The following MYO10 variants were observed in gnomAD, a reference collection of about 807,000 sequenced individuals.
MYO10 encodes myosin X.
A neutral mutation model predicts 257.3 loss-of-function variants in MYO10; 133 were observed. That is an observed-to-expected ratio of 0.52 (90% CI 0.45 to 0.60). MYO10 has a LOEUF of 0.60. Ranked by LOEUF, MYO10 falls within the 20% of genes least tolerant of loss-of-function variation. The probability of loss-of-function intolerance (pLI) is 0.00; values close to 1 mark genes in which losing one functional copy is unlikely to be tolerated. For missense variants in MYO10, 2,399 were observed against 2,635.7 expected (o/e 0.91, Z 1.97); for synonymous variants, 1,104 against 1,028.6 (o/e 1.07, Z -1.40).
At chr5:16,842,578 TC>T (rs906570148) in intron 2 of MYO10, among the ~76,000 whole-genome samples, 1 of 152,046 alleles carries the variant, frequency 6.6e-6, no homozygotes, top group Non-Finnish European at 1.5e-5. Flanking sequence ...TAAGAATACT[TC>T]CCCCTTCCCT....
chr5:16,735,317 G>C (rs572215241), intron 19 of MYO10, among the ~76,000 whole-genome samples: 35 of 152,274 alleles, frequency 2.3e-4, no homozygotes, highest in Non-Finnish European at 1.5e-5. Context: ...AGAGTCATCA[G>C]GCTAATGGAG....
intron 4 of MYO10, among the ~76,000 whole-genome samples, chr5:16,784,646 A>T (rs1410418848): frequency 2.0e-5 from 3 of 152,208 alleles, no homozygotes; most frequent in African/African-American, 7.2e-5. Context: ...CAGCCATACA[A>T]ACGCCATCAC....
intron 19 of MYO10, among the ~76,000 whole-genome samples, chr5:16,747,516 G>A (rs957690689): frequency 6.6e-6 from 1 of 152,174 alleles, no homozygotes; most frequent in South Asian, 2.1e-4. Flanking sequence ...GCCCTGCAGA[G>A]CTGCACTTGG....
At chr5:16,713,757 T>C (rs1738728380) in intron 19 of MYO10, among the ~76,000 whole-genome samples, 1 of 152,212 alleles carries the variant, frequency 6.6e-6, no homozygotes, top group Non-Finnish European at 1.5e-5. Flanking sequence ...TTTCCTTTTC[T>C]GGTGAATTGA....
chr5:16,739,191 CAAAA>C (rs1218627544), intron 19 of MYO10, among the ~76,000 whole-genome samples: 7 of 96,534 alleles, frequency 7.3e-5, no homozygotes, highest in Admixed American at 1.1e-4. Context: ...AATCATGTCC[CAAAA>C]AAAAAAAAAA....
intron 2 of MYO10, among the ~76,000 whole-genome samples, chr5:16,838,148 A>G (rs1743368451): frequency 6.6e-6 from 1 of 152,208 alleles, no homozygotes; most frequent in Admixed American, 6.5e-5. Context: ...TTCAAGTAAA[A>G]AAGAGTCACG....
At chr5:16,672,535 G>C (rs1405093106) in intron 37 of MYO10, among the ~76,000 whole-genome samples, 154 bp downstream of exon 37, 1 of 152,162 alleles carries the variant, frequency 6.6e-6, no homozygotes, top group East Asian at 1.9e-4. Flanking sequence ...AAAAATAGCG[G>C]ATATGCAAAG....
intron 29 of MYO10, among the ~76,000 whole-genome samples, chr5:16,685,472 A>C (rs905069705): frequency 4.6e-5 from 7 of 152,174 alleles, no homozygotes; most frequent in African/African-American, 1.7e-4. Context: ...TCAGCCTCCC[A>C]AAGTGCTGGG....
chr5:16,841,094 G>A (rs1052164094), intron 2 of MYO10, among the ~76,000 whole-genome samples: 7 of 150,000 alleles, frequency 4.7e-5, no homozygotes, highest in Non-Finnish European at 7.4e-5. Flanking sequence ...GCAGTGAGCC[G>A]AGATCTCGCC....
At chr5:16,700,111 A>T (rs1041756273) in intron 25 of MYO10, among the ~76,000 whole-genome samples, 1 of 152,226 alleles carries the variant, frequency 6.6e-6, no homozygotes, top group Non-Finnish European at 1.5e-5. Context: ...GACAAAATAA[A>T]AGTAAACTAC....
At chr5:16,830,532 G>C (rs368670662) in intron 2 of MYO10, among the ~76,000 whole-genome samples, 2 of 152,142 alleles carry the variant, frequency 1.3e-5, no homozygotes, top group African/African-American at 4.8e-5. Context: ...CTTCGAGCCA[G>C]TCTTTCCACA....
chr5:16,700,588 G>T (rs1400499322), intron 25 of MYO10, among the ~76,000 whole-genome samples: 1 of 151,420 alleles, frequency 6.6e-6, no homozygotes, highest in Non-Finnish European at 1.5e-5. Flanking sequence ...GAGGCAGCAG[G>T]ATAGCTTGGA....
At chr5:16,809,175 A>G (rs1322568411) in intron 3 of MYO10, among the ~76,000 whole-genome samples, 3 of 151,830 alleles carry the variant, frequency 2.0e-5, no homozygotes, top group African/African-American at 7.2e-5. Context: ...TGGAAAAAAA[A>G]AAAAGCCAAA....
intron 1 of MYO10, among the ~76,000 whole-genome samples, chr5:16,899,545 G>A (rs1016303966): frequency 1.3e-5 from 2 of 150,706 alleles, no homozygotes; most frequent in Non-Finnish European, 2.9e-5. Context: ...GCTAAGGCAG[G>A]AGAATCGCGT....
chr5:16,729,586 G>A (rs1424199190), intron 19 of MYO10, among the ~76,000 whole-genome samples: 1 of 151,726 alleles, frequency 6.6e-6, no homozygotes. Context: ...CGGGTAGCTG[G>A]GACTACAGGC....
chr5:16,824,303 G>C (rs373130030), intron 2 of MYO10, among the ~76,000 whole-genome samples: 1 of 151,814 alleles, frequency 6.6e-6, no homozygotes, highest in Non-Finnish European at 1.5e-5. Context: ...TCTCCTTCCC[G>C]CCCCCGCCAC....
chr5:16,682,447 C>G (rs1579815226), intron 30 of MYO10, among the ~76,000 whole-genome samples: 1 of 152,236 alleles, frequency 6.6e-6, no homozygotes, highest in East Asian at 1.9e-4. Flanking sequence ...GGTGGAGCAT[C>G]TTAAATGCTT....
rs146882596 is a variant in MYO10 at position 16,728,124 on chromosome 5, G to A, written c.1930-16879C>T. 4.2e-3 allele frequency among the ~76,000 whole-genome samples: 640 copies of A among 152,222 alleles called. 7 individuals are homozygous for A. Among genetic ancestry groups the A allele is most frequent in the African/African-American group, 0.015 (603 of 41,534 alleles). ...GGAACATAGGCCGCCCTCCGCCATG[G>A]CTTCTTCCTTCCATTCTGGTTTCTG... is the stretch of plus-strand genomic sequence containing the variant. On this transcript the variant is annotated intron_variant, in intron 19 of 40. Transcript: ENST00000513610.
chr5:16,930,888 G>A (rs974936339), intron 1 of MYO10, among the ~76,000 whole-genome samples: 2 of 152,142 alleles, frequency 1.3e-5, no homozygotes, highest in Non-Finnish European at 2.9e-5. Flanking sequence ...TTCACCGGAG[G>A]CTCATTCTTG....
Sources: allele counts gnomAD v4.1 joint callset (sites outside exome capture counted in the v4.1 genomes callset), GRCh38; gene constraint gnomAD v4.1.1; transcripts MANE v1.5; gene names NCBI Gene and HGNC (gene_info 2026-07-23, HGNC 2026-07-21).